Variants in WDR83 observed in about 807,000 individuals in gnomAD.
WDR83 encodes the protein WD repeat domain-containing protein 83.
A neutral mutation model predicts 37.7 loss-of-function variants in WDR83; 37 were observed. The ratio of observed to expected loss-of-function variants is 0.98; its 90% CI spans 0.76 to 1.29. WDR83 has a LOEUF of 1.29. WDR83 is among the 50% of genes most tolerant of loss of function. The probability of loss-of-function intolerance (pLI) is 0.00; values close to 1 mark genes in which losing one functional copy is unlikely to be tolerated. For synonymous variants in WDR83, 174 were observed against 181.1 expected (o/e 0.96, Z 0.31); for missense variants, 445 against 414.4 (o/e 1.07, Z -0.64).
chr19:12,675,662 G>A lies in WDR83; in HGVS notation c.938G>A (p.Gly313Glu), dbSNP rs1461917832. 1.2e-6 allele frequency: 2 copies of A among 1,600,756 alleles called. No homozygotes were observed. The highest frequency in any genetic ancestry group is 1.7e-6 in the Non-Finnish European group (2 of 1,179,474). ...GAGGAGGCCTATGAGGCAGAGGATG[G>A]AGCAGGCTGAAGCCAGGGGACCCAC... ...WREEAYEAEDGAG is the reference protein window; with the variant it reads ...WREEAYEAEDEAG The change falls in exon 11 of 11, where the codon GGA becomes GAA. Residue 313 changes from glycine (G) to glutamate (E), a missense_variant. Physicochemically the swap from Gly to Glu is moderately conservative, Grantham distance 98 (BLOSUM62 -2). Transcript: ENST00000418543.
chr19:12,675,371 G>C (rs2024543518), intron 10 of WDR83, 152 bp from the exon 11 acceptor site: 1 of 1,070,144 alleles, frequency 9.3e-7, no homozygotes, highest in Admixed American at 2.8e-5. Context: ...TAATTTTGCA[G>C]TGTCTAGGAG....
At position 12,669,735 on chromosome 19, in the gene WDR83, G is replaced by C. The variant is rs61735689; in HGVS notation, c.-36-20G>C. 79,116 of 1,516,084 alleles carry C rather than the reference G, an allele frequency of 0.052. 2,415 individuals are homozygous for C. Among genetic ancestry groups the C allele is most frequent in the Non-Finnish European group, 0.062 (70,168 of 1,126,646 alleles). 93.9% of individuals were successfully genotyped at this position (1,516,084 alleles called of 1,614,324 possible). A position where few individuals can be genotyped will look rare whatever the true frequency, so the allele number is the denominator to read the frequency against. On this transcript the variant is annotated intron_variant, in intron 2 of 10. Transcript: ENST00000418543. ...TTACACCCAAGCGTGGGTTTCTAAG[G>C]CGCGGAATTTTCCGTACAGACCGAT...
chr19:12,669,733 A>T, intron 2 of WDR83, 22 bp from the exon 3 acceptor site: 2 of 1,513,856 alleles, frequency 1.3e-6, no homozygotes, highest in Non-Finnish European at 1.8e-6. Context: ...TGGGTTTCTA[A>T]GGCGCGGAAT....
In WDR83 at chr19:12,675,641, A is replaced by T; in HGVS notation, c.917A>T (p.Glu306Val). 6.2e-7 allele frequency: 1 copy of T among 1,601,734 alleles called. No homozygotes were observed. The change falls in exon 11 of 11, where the codon GAG becomes GTG. Residue 306 changes from glutamate (E) to valine (V), a missense_variant. Transcript: ENST00000418543. ...MGGSVQCWRE[E>V]AYEAEDGAG ...GGCAGCGTCCAGTGCTGGCGAGAGG[A>T]GGCCTATGAGGCAGAGGATGGAGCA...
chr19:12,670,275 G>A lies in WDR83; in HGVS notation c.320G>A (p.Gly107Asp), dbSNP rs762134530. 1.2e-6 allele frequency: 2 copies of A among 1,614,000 alleles called. No individual in the cohort carries two copies. The highest frequency in any genetic ancestry group is 1.7e-5 in the Admixed American group (1 of 59,994). ...ASGQVVRKFR[G>D]HAGKVNTVQF... ...GGGCAGGTCGTGCGCAAATTCCGGGGCCACGCAGGGGTGAGTGAAAGCCTG... is the reference window on the plus strand; with the variant it reads ...GGGCAGGTCGTGCGCAAATTCCGGGACCACGCAGGGGTGAGTGAAAGCCTG... Residue 107 changes from glycine to aspartate, a missense_variant, in exon 5 of 11, where the codon GGC becomes GAC. Coordinates refer to ENST00000418543, the MANE Select transcript of WDR83 (RefSeq NM_001099737.3).
In WDR83 at chr19:12,670,625, C is replaced by T. The variant is rs1372200205; in HGVS notation, c.379+14C>T. 3 of 1,614,096 alleles carry T rather than the reference C, an allele frequency of 1.9e-6. No individual in the cohort carries two copies. The highest frequency in any genetic ancestry group is 2.5e-6 in the Non-Finnish European group (3 of 1,180,040). ...TTATCCTGTCCGGTGAGTCTGGGGC[C>T]TAAGCACGGGGGCCCAGGGTGCTGC... On this transcript the variant is annotated intron_variant, in intron 6 of 10. Transcript: ENST00000418543.
intron 10 of WDR83, among the ~76,000 whole-genome samples, chr19:12,675,130 G>A (rs1202737682): frequency 6.7e-6 from 1 of 149,224 alleles, no homozygotes; most frequent in Non-Finnish European, 1.5e-5. Flanking sequence ...AACAGAAAAA[G>A]AAAAAGACTC....
chr19:12,669,669 A>G, intron 2 of WDR83, 86 bp from the exon 3 acceptor site: 2 of 1,111,314 alleles, frequency 1.8e-6, no homozygotes, highest in East Asian at 2.5e-5. Context: ...TGAACCCGGA[A>G]GTGATAAACA....
Position 12,673,187 on chromosome 19 carries a change from C to T in WDR83, c.684-15C>T. 1 of 1,613,888 alleles carries T rather than the reference C, an allele frequency of 6.2e-7. No homozygotes were observed. ...CCTGGAGAGGACCAAGCCCCCCGAT[C>T]CTGTCCACCCTTAGGTACAAGGGCC... On this transcript the variant is annotated splice_polypyrimidine_tract_variant and intron_variant, in intron 9 of 10. Coordinates refer to ENST00000418543, the MANE Select transcript of WDR83 (RefSeq NM_001099737.3).
At chr19:12,671,751 G>A (rs1299535912) in intron 7 of WDR83, among the ~76,000 whole-genome samples, 1 of 152,194 alleles carries the variant, frequency 6.6e-6, no homozygotes, top group African/African-American at 2.4e-5. Context: ...AGGCTGGAGT[G>A]CAGTGACGTG....
rs775555975 is a variant in WDR83 at position 12,668,519 on chromosome 19, C to T, written c.-145C>T. 6.2e-6 allele frequency: 10 copies of T among 1,614,010 alleles called. No homozygotes were observed. The East Asian group carries it at 1.8e-4, about 29-fold the overall frequency. On this transcript the variant is annotated 5_prime_UTR_variant, in exon 2 of 11. Coordinates refer to ENST00000418543, the MANE Select transcript of WDR83 (RefSeq NM_001099737.3). ...CACTTGTTCTGTAGGGCAAGTCTCACATGAAGCTACTCATCATTTGCTTCG... is the reference window on the plus strand; with the variant it reads ...CACTTGTTCTGTAGGGCAAGTCTCATATGAAGCTACTCATCATTTGCTTCG...
chr19:12,675,441 T>C, intron 10 of WDR83, 82 bp from the exon 11 acceptor site: 7 of 1,538,210 alleles, frequency 4.6e-6, no homozygotes, highest in Non-Finnish European at 6.1e-6. Context: ...CAGGCAGGAC[T>C]GAGATGGGGG....
Position 12,670,180 on chromosome 19 carries a change from C to T in WDR83, c.225C>T (p.Gly75=), listed in dbSNP as rs1468371609. Residue 75 remains glycine, a splice_region_variant and synonymous_variant, in exon 5 of 11, where the codon GGC becomes GGT. Transcript: ENST00000418543. The stretch of plus-strand genomic sequence containing the variant: ...TGATCCTCCTCCTCCTTTACTCCAG[C>T]TCCTTTGACAACAGTAGTCTCTGCT... The part of the protein sequence containing the change: ...GHGYEVLDAA[G]SFDNSSLCSG... 6 of 1,613,152 alleles carry T rather than the reference C, an allele frequency of 3.7e-6. No individual in the cohort carries two copies. The highest frequency in any genetic ancestry group is 5.1e-6 in the Non-Finnish European group (6 of 1,179,506).
rs2024269231 is a variant in WDR83, at chr19:12,667,003, A to G, written c.-157+11A>G. The G allele has an allele frequency of 4.1e-6, 2 of 492,408 alleles. No individual in the cohort carries two copies. The highest frequency in any genetic ancestry group is 7.3e-6 in the Non-Finnish European group (2 of 275,408). 30.5% of individuals were successfully genotyped at this position (492,408 alleles called of 1,614,324 possible). On this transcript the variant is annotated intron_variant, in intron 1 of 10. Coordinates refer to ENST00000418543, the MANE Select transcript of WDR83 (RefSeq NM_001099737.3). ...TGCCTCTTAATGCCGGTAGGAGCAG[A>G]AGTGCTTTTCCTAAGGGGGCCGGGT...
At chr19:12,675,453 T>G (rs942885208) in intron 10 of WDR83, 70 bp from the exon 11 acceptor site, 3 of 1,550,794 alleles carry the variant, frequency 1.9e-6, no homozygotes. Context: ...AGATGGGGGG[T>G]GCCCAGGGAC....
At chr19:12,670,498 G>GT (rs2024380185) in intron 5 of WDR83, 65 bp from the exon 6 acceptor site, 2 of 1,612,612 alleles carry the variant, frequency 1.2e-6, no homozygotes, top group Non-Finnish European at 1.7e-6. Context: ...ACCGACACTG[G>GT]GAACCCTGCC....
chr19:12,668,643 G>A lies in WDR83; in HGVS notation c.-37+16G>A. 1.2e-6 allele frequency: 2 copies of A among 1,604,734 alleles called. No individual in the cohort carries two copies. The highest frequency in any genetic ancestry group is 4.5e-5 in the East Asian group (2 of 44,804). On this transcript the variant is annotated intron_variant, in intron 2 of 10. Coordinates refer to ENST00000418543, the MANE Select transcript of WDR83 (RefSeq NM_001099737.3). ...CTAGGGAAAGGTAAGTGGGTGGGCA[G>A]GTTAGTGAAAGGCACAACAATGAGT...
At position 12,670,168 on chromosome 19, in the gene WDR83, CCTT is replaced by C. The variant is rs780534047; in HGVS notation, c.225-11_225-9del. 6.8e-6 allele frequency: 11 copies of C among 1,612,772 alleles called. No individual in the cohort carries two copies. The highest frequency in any genetic ancestry group is 1.7e-4 in the Middle Eastern group (1 of 6,058). ...CGAGGTCGATGCTGATCCTCCTCCT[CCTT>C]TACTCCAGCTCCTTTGACAACAGTA... On this transcript the variant is annotated splice_polypyrimidine_tract_variant and intron_variant, in intron 4 of 10. Coordinates refer to ENST00000418543, the MANE Select transcript of WDR83 (RefSeq NM_001099737.3).
At chr19:12,669,062 T>C (rs1429652455) in intron 2 of WDR83, 3 of 1,559,676 alleles carry the variant, frequency 1.9e-6, no homozygotes, top group Non-Finnish European at 2.6e-6. Context: ...CCCGCTTCAT[T>C]CCAAACCCGC....
Sources: allele counts gnomAD v4.1 joint callset (sites outside exome capture counted in the v4.1 genomes callset), GRCh38; gene constraint gnomAD v4.1.1; transcripts MANE v1.5; gene names NCBI Gene and HGNC (gene_info 2026-07-23, HGNC 2026-07-21).